The following KNG1 variants were observed in gnomAD, a reference collection of about 807,000 sequenced individuals.
The protein encoded by KNG1 is kininogen-1.
A neutral mutation model predicts 47.8 loss-of-function variants in KNG1; 23 were observed. That is an observed-to-expected ratio of 0.48 (90% confidence interval 0.35 to 0.68). KNG1 has a LOEUF of 0.68. KNG1 is among the 30% of genes least tolerant of loss of function. KNG1 has a pLI of 0.01. For missense variants in KNG1, 762 were observed against 790.2 expected, an observed-to-expected ratio of 0.96 and a Z score of 0.43; for synonymous variants, 277 against 277.0, an observed-to-expected ratio of 1.00 and a Z score of 0.00.
rs1466662954 is a variant in KNG1 at position 186,741,885 on chromosome 3, C to T, written c.1489C>T (p.His497Tyr). The T allele has an allele frequency of 2.5e-6, 4 of 1,613,792 alleles. No individual in the cohort carries two copies. The highest frequency in any genetic ancestry group is 3.4e-6 in the Non-Finnish European group (4 of 1,179,918). The change falls in exon 10 of 10, where the codon CAT becomes TAT. Residue 497 changes from histidine to tyrosine, a missense_variant. Physicochemically the swap from His to Tyr is moderately conservative, Grantham distance 83. Transcript: ENST00000644859. ...GGHVLDHGHK[H>Y]KHGHGHGKHK... ...CCATGTCCTTGACCATGGACATAAG[C>T]ATAAGCATGGTCATGGCCACGGAAA...
chr3:186,719,056 C>T (rs1380517833), intron 1 of KNG1, among the ~76,000 whole-genome samples: 2 of 151,586 alleles, frequency 1.3e-5, no homozygotes, highest in Non-Finnish European at 2.9e-5. Context: ...ACACAGTGGA[C>T]ATGTTATTTT....
Position 186,742,629 on chromosome 3 carries a change from A to T in KNG1, c.*298A>T. The T allele has an allele frequency of 8.2e-7, 1 of 1,219,442 alleles. No homozygotes were observed. Among genetic ancestry groups the T allele is most frequent in the Non-Finnish European group, 1.0e-6 (1 of 973,590 alleles). 75.5% of individuals were successfully genotyped at this position (1,219,442 alleles called of 1,614,324 possible). On this transcript the variant is annotated 3_prime_UTR_variant, in exon 10 of 10. Coordinates refer to ENST00000644859, the MANE Select transcript of KNG1 (RefSeq NM_001102416.3). ...TGCTGCAATTGGCTTCTCTGATAAC[A>T]AATATGTACCTTACAACATATGTCA...
rs569714590 is a variant in KNG1 at position 186,727,822 on chromosome 3, T to C, written c.672+478T>C. Among the ~76,000 whole-genome samples the C allele has an allele frequency of 1.7e-3, 260 of 152,300 alleles. 1 individual carries two copies. Among genetic ancestry groups the C allele is most frequent in the African/African-American group, 5.8e-3 (243 of 41,564 alleles). ...CCTGACCTCAGGTGATCCGCCCACCTTGGCCTCCTAAAGTGCTGGTATTAC... is the reference window on the plus strand; with the variant it reads ...CCTGACCTCAGGTGATCCGCCCACCCTGGCCTCCTAAAGTGCTGGTATTAC... On this transcript the variant is annotated intron_variant, in intron 5 of 9. Coordinates refer to ENST00000644859, the MANE Select transcript of KNG1 (RefSeq NM_001102416.3).
Position 186,742,842 on chromosome 3 carries a change from T to G in KNG1, c.*511T>G, listed in dbSNP as rs914334355. ...CGGAGGTTGCAGTGAGCCGAGATCG[T>G]GCCACTGCGCTCCAGCCTGGGCATC... On this transcript the variant is annotated 3_prime_UTR_variant, in exon 10 of 10. Coordinates refer to ENST00000644859, the MANE Select transcript of KNG1 (RefSeq NM_001102416.3). 4.9e-5 allele frequency: 46 copies of G among 931,486 alleles called. No individual in the cohort carries two copies. In the African/African-American group the frequency reaches 8.2e-4, roughly 17 times the overall value. 57.7% of individuals were successfully genotyped at this position (931,486 alleles called of 1,614,324 possible).
intron 5 of KNG1, among the ~76,000 whole-genome samples, chr3:186,730,191 T>C (rs1720476179): frequency 6.6e-6 from 1 of 152,130 alleles, no homozygotes; most frequent in Non-Finnish European, 1.5e-5. Context: ...CCTAACTTTA[T>C]TGGCAAGCAT....
chr3:186,739,039 A>G, intron 7 of KNG1, 60 bp from the exon 8 acceptor site: 4 of 1,329,002 alleles, frequency 3.0e-6, no homozygotes, highest in Non-Finnish European at 3.2e-6. Flanking sequence ...TTTCTTAAAG[A>G]TAAATGATTT....
chr3:186,722,151 A>G (rs1720220878), intron 2 of KNG1: 1 of 255,260 alleles, frequency 3.9e-6, no homozygotes, highest in Non-Finnish European at 7.4e-6. Context: ...ATAGGAAACA[A>G]AAGAAAAAAG....
chr3:186,740,855 C>G (rs1293721168), intron 9 of KNG1, among the ~76,000 whole-genome samples: 1 of 152,092 alleles, frequency 6.6e-6, no homozygotes, highest in Non-Finnish European at 1.5e-5. Flanking sequence ...ATACTGTGCT[C>G]AGTAAAAACA....
chr3:186,727,317 T>TC lies in KNG1; in HGVS notation c.647dup (p.Asp217ArgfsTer9). ...CCAAAGAGAATTTTCTGTTCTTAAC[T>TC]CCAGACTGCAAGTCCCTTTGGAATG... On this transcript the variant is annotated frameshift_variant, in exon 5 of 10. Coordinates refer to ENST00000644859, the MANE Select transcript of KNG1 (RefSeq NM_001102416.3). LOFTEE classifies it high-confidence loss of function. The TC allele has an allele frequency of 6.2e-7, 1 of 1,612,678 alleles. No homozygotes were observed. Among genetic ancestry groups the TC allele is most frequent in the South Asian group, 1.1e-5 (1 of 91,058 alleles).
At chr3:186,731,423 CT>C (rs1305688661) in intron 5 of KNG1, 121 bp from the exon 6 acceptor site, 14 of 682,406 alleles carry the variant, frequency 2.1e-5, no homozygotes, top group Non-Finnish European at 2.9e-5. Context: ...TTGCTTCTTT[CT>C]TTTTTTTCTA....
chr3:186,740,985 T>G (rs186002117), intron 9 of KNG1, among the ~76,000 whole-genome samples: 2 of 149,256 alleles, frequency 1.3e-5, no homozygotes, highest in African/African-American at 5.0e-5. Context: ...GTTTTTTTTT[T>G]GTTGTTGTTG....
Position 186,742,997 on chromosome 3 carries a change from T to G in KNG1, c.*666T>G. 1.0e-6 allele frequency: 1 copy of G among 964,476 alleles called. No homozygotes were observed. The highest frequency in any genetic ancestry group is 1.2e-6 in the Non-Finnish European group (1 of 810,806). The allele number at this position is 964,476 out of a possible 1,614,324, so 59.7% of individuals were successfully genotyped here. A position where few individuals can be genotyped will look rare whatever the true frequency, so the allele number is the denominator to read the frequency against. On this transcript the variant is annotated 3_prime_UTR_variant, in exon 10 of 10. Transcript: ENST00000644859. ...AAGGGGGGACATAAATTAATTGACT[T>G]TCTATTCCCAAAATGGGCTAGTTAT...
At chr3:186,735,485 G>T (rs372079880) in intron 7 of KNG1, among the ~76,000 whole-genome samples, 16 of 152,238 alleles carry the variant, frequency 1.1e-4, no homozygotes, top group African/African-American at 3.9e-4. Flanking sequence ...GGGTGTGGTG[G>T]TGGGTGCCTA....
At chr3:186,738,965 G>T in intron 7 of KNG1, 134 bp from the exon 8 acceptor site, 1 of 753,940 alleles carries the variant, frequency 1.3e-6, no homozygotes, top group Non-Finnish European at 2.3e-6. Context: ...AATGCCAAAC[G>T]TGTACTTTTT....
At chr3:186,727,204 G>T (rs1579119101) in intron 4 of KNG1, 33 bp from the exon 5 acceptor site, 4 of 1,398,578 alleles carry the variant, frequency 2.9e-6, no homozygotes, top group East Asian at 2.3e-5. Flanking sequence ...TGTTTAAACT[G>T]CCCTTTAAAT....
At position 186,742,472 on chromosome 3, in the gene KNG1, C is replaced by T; in HGVS notation, c.*141C>T. 1 of 1,486,382 alleles carries T rather than the reference C, an allele frequency of 6.7e-7. No homozygotes were observed. Among genetic ancestry groups the T allele is most frequent in the Non-Finnish European group, 8.9e-7 (1 of 1,126,150 alleles). The allele number at this position is 1,486,382 out of a possible 1,614,324, so 92.1% of individuals were successfully genotyped here. On this transcript the variant is annotated 3_prime_UTR_variant, in exon 10 of 10. Transcript: ENST00000644859. ...CAGTCTAAAGAGAAGTGGTGAGACT[C>T]CCAGTGGAGACACCATCAGTCTCCA...
chr3:186,728,200 C>T (rs959728977), intron 5 of KNG1, among the ~76,000 whole-genome samples: 15 of 152,082 alleles, frequency 9.9e-5, no homozygotes, highest in African/African-American at 3.1e-4. Context: ...TAGTAGCTAG[C>T]GAATGTTAAG....
chr3:186,723,006 T>C (rs1458799666), intron 3 of KNG1, among the ~76,000 whole-genome samples: 1 of 152,178 alleles, frequency 6.6e-6, no homozygotes, highest in Non-Finnish European at 1.5e-5. Context: ...CATACTAACA[T>C]ATTAATCATA....
intron 9 of KNG1, among the ~76,000 whole-genome samples, chr3:186,740,366 G>A (rs545552323): frequency 4.6e-5 from 7 of 152,308 alleles, no homozygotes; most frequent in Non-Finnish European, 8.8e-5. Context: ...AACTCTGTGA[G>A]GCAGGTGCTG....
Sources: allele counts gnomAD v4.1 joint callset (sites outside exome capture counted in the v4.1 genomes callset), GRCh38; gene constraint gnomAD v4.1.1; transcripts MANE v1.5; gene names NCBI Gene and HGNC (gene_info 2026-07-23, HGNC 2026-07-21).